Variants in ZNF521 observed in about 807,000 individuals in gnomAD.
ZNF521 encodes LYST-interacting protein 3.
In ZNF521, 14 loss-of-function variants were observed where a neutral mutation model predicts 105.5. The observed-to-expected ratio is 0.13, with a 90% CI of 0.09 to 0.21. The LOEUF (loss-of-function observed/expected upper bound fraction) is 0.21. Ranked by LOEUF, ZNF521 falls within the 10% of genes least tolerant of loss-of-function variation. The pLI is 1.00. For missense variants in ZNF521, 1,233 were observed against 1,629.7 expected (o/e 0.76, Z 4.19); for synonymous variants, 635 against 606.0 (o/e 1.05, Z -0.70).
At chr18:25,192,387 G>A (rs2035833362) in intron 5 of ZNF521, among the ~76,000 whole-genome samples, 1 of 152,136 alleles carries the variant, frequency 6.6e-6, no homozygotes, top group Non-Finnish European at 1.5e-5. Context: ...CCTGAGACCA[G>A]CACATCCAGA....
At chr18:25,306,392 T>TG (rs919202297) in intron 3 of ZNF521, among the ~76,000 whole-genome samples, 3 of 152,108 alleles carry the variant, frequency 2.0e-5, no homozygotes, top group East Asian at 1.9e-4. Context: ...ATTTCTTTTT[T>TG]GGGGGGGAAA....
intron 2 of ZNF521, among the ~76,000 whole-genome samples, chr18:25,337,469 G>A (rs890899832): frequency 6.6e-6 from 1 of 151,960 alleles, no homozygotes; most frequent in African/African-American, 2.4e-5. Context: ...AAAAACCCAA[G>A]GAAATAGAAA....
chr18:25,336,698 A>C (rs1913902932), intron 2 of ZNF521, among the ~76,000 whole-genome samples: 1 of 152,144 alleles, frequency 6.6e-6, no homozygotes. Flanking sequence ...CTTTGTGAGA[A>C]TCCCTCTAGC....
At position 25,198,731 on chromosome 18, in the gene ZNF521, G is replaced by A. The variant is rs191727745; in HGVS notation, c.3574-3487C>T. 8.6e-5 allele frequency among the ~76,000 whole-genome samples: 13 copies of A among 151,234 alleles called. No individual in the cohort carries two copies. In the East Asian group the frequency reaches 1.4e-3, roughly 16 times the overall value. Reference sequence around the variant, plus strand: ...CTTTTTTAAGGAGGAAGTGTAGGTCGTGCCTATTTGATGAGTGAAAGCTTT... The same window carrying A: ...CTTTTTTAAGGAGGAAGTGTAGGTCATGCCTATTTGATGAGTGAAAGCTTT... On this transcript the variant is annotated intron_variant, in intron 4 of 7. Coordinates refer to ENST00000361524, the MANE Select transcript of ZNF521 (RefSeq NM_015461.3).
intron 7 of ZNF521, among the ~76,000 whole-genome samples, chr18:25,078,840 A>G (rs1261923944): frequency 1.3e-5 from 2 of 152,232 alleles, no homozygotes; most frequent in Non-Finnish European, 2.9e-5. Flanking sequence ...TGCATGTCCC[A>G]TCACCTTCTG....
At chr18:25,156,519 T>C (rs1334847115) in intron 5 of ZNF521, among the ~76,000 whole-genome samples, 1 of 152,230 alleles carries the variant, frequency 6.6e-6, no homozygotes, top group Non-Finnish European at 1.5e-5. Context: ...AAAAGTCTAA[T>C]GAGCAAAGTA....
rs149065334 is a variant in ZNF521, at chr18:25,200,196, A to G, written c.3574-4952T>C. ...TGCATTTCAAAAGGAGGTTTTCCAT[A>G]TAATTAAGTAGTGCTTTGGTCTTTG... is the stretch of plus-strand genomic sequence containing the variant. On this transcript the variant is annotated intron_variant, in intron 4 of 7. Transcript: ENST00000361524. Among the ~76,000 whole-genome samples, 460 of 152,036 alleles carry G rather than the reference A, an allele frequency of 3.0e-3. 1 individual carries two copies. The highest frequency in any genetic ancestry group is 0.01 in the African/African-American group (429 of 41,544).
chr18:25,291,242 C>T (rs183184995), intron 3 of ZNF521, among the ~76,000 whole-genome samples: 7 of 152,204 alleles, frequency 4.6e-5, no homozygotes, highest in East Asian at 1.9e-4. Flanking sequence ...TTTTACCCTC[C>T]GTCTAAAGTA....
intron 5 of ZNF521, among the ~76,000 whole-genome samples, chr18:25,155,769 A>G (rs1299634657): frequency 1.3e-5 from 2 of 152,132 alleles, no homozygotes; most frequent in Non-Finnish European, 2.9e-5. Context: ...ACTGTGGTAT[A>G]AATATATGCA....
At chr18:25,176,910 C>T (rs562393369) in intron 5 of ZNF521, among the ~76,000 whole-genome samples, 59 of 152,348 alleles carry the variant, frequency 3.9e-4, no homozygotes, top group African/African-American at 1.2e-3. Flanking sequence ...CTCCAACATT[C>T]GGCGCTGGCG....
intron 4 of ZNF521, among the ~76,000 whole-genome samples, chr18:25,198,386 G>T (rs1431104058): frequency 4.0e-5 from 6 of 151,662 alleles, no homozygotes; most frequent in African/African-American, 1.4e-4. Flanking sequence ...GATTAGAGAT[G>T]CTTAATAATA....
intron 4 of ZNF521, among the ~76,000 whole-genome samples, chr18:25,210,942 C>T (rs2036168409): frequency 6.6e-6 from 1 of 152,204 alleles, no homozygotes; most frequent in Middle Eastern, 3.2e-3. Flanking sequence ...CTTTACAAAC[C>T]TGATAGCTAA....
chr18:25,124,492 G>A (rs531202553), intron 5 of ZNF521, among the ~76,000 whole-genome samples: 1 of 152,104 alleles, frequency 6.6e-6, no homozygotes, highest in Non-Finnish European at 1.5e-5. Flanking sequence ...GTGCCTTTAT[G>A]AATTTACAGT....
chr18:25,177,095 T>G (rs2035548436), intron 5 of ZNF521, among the ~76,000 whole-genome samples: 2 of 152,230 alleles, frequency 1.3e-5, no homozygotes, highest in Admixed American at 6.5e-5. Flanking sequence ...AGTGATTTTT[T>G]TTTTTACTGC....
chr18:25,166,758 T>C (rs1043354060), intron 5 of ZNF521, among the ~76,000 whole-genome samples: 1 of 152,158 alleles, frequency 6.6e-6, no homozygotes, highest in East Asian at 1.9e-4. Context: ...AACTAGACAA[T>C]TGGCAGAATT....
intron 7 of ZNF521, chr18:25,082,719 G>A (rs1289037764): frequency 2.5e-6 from 1 of 396,388 alleles, no homozygotes; most frequent in East Asian, 8.0e-5. Context: ...GTGTGAACCT[G>A]TAATCCCAGT....
intron 5 of ZNF521, among the ~76,000 whole-genome samples, chr18:25,164,872 G>A (rs894851668): frequency 6.6e-6 from 1 of 152,214 alleles, no homozygotes; most frequent in African/African-American, 2.4e-5. Flanking sequence ...CACTGGCGCA[G>A]TATAAATGCA....
At chr18:25,251,636 G>A (rs117414740) in intron 3 of ZNF521, among the ~76,000 whole-genome samples, 1 of 152,152 alleles carries the variant, frequency 6.6e-6, no homozygotes, top group South Asian at 2.1e-4. Flanking sequence ...CAATATGTTA[G>A]TGATGACATT....
chr18:25,096,954 G>A (rs1427206541), intron 5 of ZNF521, among the ~76,000 whole-genome samples: 1 of 152,126 alleles, frequency 6.6e-6, no homozygotes, highest in African/African-American at 2.4e-5. Context: ...TATCCAGTTC[G>A]AATGTGTGTT....
Sources: allele counts gnomAD v4.1 joint callset (sites outside exome capture counted in the v4.1 genomes callset), GRCh38; gene constraint gnomAD v4.1.1; transcripts MANE v1.5; gene names NCBI Gene and HGNC (gene_info 2026-07-23, HGNC 2026-07-21).